Variants in GALK1 observed in about 807,000 individuals in gnomAD.
GALK1 encodes the protein galactokinase.
Under a neutral mutation model 38.6 loss-of-function variants are expected in GALK1, and 30 were observed. The observed-to-expected ratio is 0.78, with a 90% CI of 0.58 to 1.05. The LOEUF is 1.05. Among genes scored for constraint, GALK1 ranks in the 50% least tolerant of loss-of-function variants. The pLI is 0.00. For missense variants in GALK1, 512 were observed against 540.5 expected (o/e 0.95, Z 0.52); for synonymous variants, 240 against 233.6 (o/e 1.03, Z -0.25).
At chr17:75,763,869 G>A (rs1350620572) in intron 2 of GALK1, 28 bp downstream of exon 2, 1 of 1,605,600 alleles carries the variant, frequency 6.2e-7, no homozygotes, top group Non-Finnish European at 8.5e-7. Flanking sequence ...GTATCAGTGA[G>A]GACTTGGCTC....
At chr17:75,756,532 CCAGG>C, downstream of GALK1, 2 of 1,613,334 alleles carry the variant, frequency 1.2e-6, no homozygotes, top group Non-Finnish European at 1.7e-6. Flanking sequence ...GGGCCCAGAG[CCAGG>C]AAGGCTGGGG....
chr17:75,753,564 G>A (rs138475066), downstream of GALK1, among the ~76,000 whole-genome samples: 957 of 152,290 alleles, frequency 6.3e-3, 3 homozygotes, highest in Non-Finnish European at 9.9e-3. Flanking sequence ...CATCTGGAAA[G>A]GCTTCAGCCG....
downstream of GALK1, chr17:75,756,403 T>C: frequency 6.2e-7 from 1 of 1,612,238 alleles, no homozygotes; most frequent in African/African-American, 1.3e-5. Flanking sequence ...ACTGCACTAC[T>C]GTGTGCCCCC....
chr17:75,757,382 C>T (rs760727795), downstream of GALK1: 1 of 1,612,876 alleles, frequency 6.2e-7, no homozygotes, highest in African/African-American at 1.3e-5. Context: ...GGGCAGACCC[C>T]AAGCCAGGTC....
chr17:75,758,646 C>T (rs1330525344), intron 5 of GALK1, 47 bp from the exon 6 acceptor site: 4 of 1,553,106 alleles, frequency 2.6e-6, no homozygotes, highest in Admixed American at 1.9e-5. Flanking sequence ...CTGCCTGGGG[C>T]CCCGACGCCT....
chr17:75,759,725 G>A lies in GALK1; in HGVS notation c.794-1126C>T, dbSNP rs145390779. Among the ~76,000 whole-genome samples the A allele has an allele frequency of 2.6e-3, 399 of 152,258 alleles. 1 individual carries two copies. Among genetic ancestry groups the A allele is most frequent in the African/African-American group, 9.2e-3 (381 of 41,562 alleles). The stretch of plus-strand genomic sequence containing the variant: ...AAGGGCATCTGCACAGAGCAGGCAG[G>A]GCAGGTCTGAGCACTGCTCTGGAGA... On this transcript the variant is annotated intron_variant, in intron 5 of 7. Coordinates refer to ENST00000588479, the MANE Select transcript of GALK1 (RefSeq NM_000154.2).
At chr17:75,762,936 T>C in intron 4 of GALK1, 51 bp from the exon 5 acceptor site, 1 of 1,546,514 alleles carries the variant, frequency 6.5e-7, no homozygotes, top group Non-Finnish European at 8.7e-7. Context: ...GTGTGCTTGC[T>C]GCGCCAGGCA....
Position 75,762,930 on chromosome 17 carries a change from G to A in GALK1, c.612-45C>T, listed in dbSNP as rs369447720. ...GGGGAGATGACGAGGCCAAGCGTGT[G>A]CTTGCTGCGCCAGGCAGTGGGCACA... On this transcript the variant is annotated intron_variant, in intron 4 of 7. Coordinates refer to ENST00000588479, the MANE Select transcript of GALK1 (RefSeq NM_000154.2). The A allele has an allele frequency of 6.8e-4, 1,080 of 1,592,876 alleles. 1 individual carries two copies. Among genetic ancestry groups the A allele is most frequent in the Non-Finnish European group, 8.6e-4 (1,012 of 1,174,482 alleles).
At chr17:75,757,526 C>G, downstream of GALK1, 2 of 1,613,462 alleles carry the variant, frequency 1.2e-6, no homozygotes, top group Non-Finnish European at 1.7e-6. Context: ...CCTTAGCACC[C>G]ACATGGACCA....
At chr17:75,761,767 C>CGTG (rs1455124059) in intron 5 of GALK1, among the ~76,000 whole-genome samples, 2 of 150,882 alleles carry the variant, frequency 1.3e-5, no homozygotes, top group Non-Finnish European at 2.9e-5. Context: ...CCTGTAATCC[C>CGTG]AGCACTTTGG....
At chr17:75,757,405 C>T (rs765536898), downstream of GALK1, 11 of 1,613,096 alleles carry the variant, frequency 6.8e-6, no homozygotes, top group Non-Finnish European at 9.3e-6. Flanking sequence ...CTAATGCCTC[C>T]TCCTCCACAG....
chr17:75,757,921 C>T lies in GALK1; in HGVS notation c.*135G>A. On this transcript the variant is annotated 3_prime_UTR_variant, in exon 8 of 8. Transcript: ENST00000588479. ...CTCTGACACCCAAGCATACACCCAC[C>T]TCTAGAGGAGGCAGGTACCACATTG... 9.8e-7 allele frequency: 1 copy of T among 1,020,212 alleles called. No homozygotes were observed. Among genetic ancestry groups the T allele is most frequent in the East Asian group, 2.6e-5 (1 of 38,712 alleles). 63.2% of individuals were successfully genotyped at this position (1,020,212 alleles called of 1,614,324 possible).
chr17:75,763,974 G>A lies in GALK1; in HGVS notation c.278C>T (p.Pro93Leu). The A allele has an allele frequency of 6.2e-7, 1 of 1,612,984 alleles. No individual in the cohort carries two copies. The highest frequency in any genetic ancestry group is 8.5e-7 in the Non-Finnish European group (1 of 1,179,876). Residue 93 changes from proline (P) to leucine (L), a missense_variant, in exon 2 of 8, where the codon CCC (proline) becomes CTC (leucine). Transcript: ENST00000588479. ...AGGCTCCAGCGAGCGCTGGGCTGTG[G>A]GCAGTGGAAACTGCAGCCGCTGGGG... Reference protein sequence around the residue: ...DEPQRLQFPLPTAQRSLEPGT... With the variant: ...DEPQRLQFPLLTAQRSLEPGT...
In GALK1 at chr17:75,765,077, G is replaced by T; in HGVS notation, c.60C>A (p.Phe20Leu). 6.3e-7 allele frequency: 1 copy of T among 1,598,452 alleles called. No homozygotes were observed. The highest frequency in any genetic ancestry group is 8.5e-7 in the Non-Finnish European group (1 of 1,173,592). The change falls in exon 1 of 8, where the codon TTC becomes TTA. Residue 20 changes from phenylalanine to leucine, a missense_variant. By Grantham distance (22) the Phe-to-Leu change is conservative (BLOSUM62 0). Coordinates refer to ENST00000588479, the MANE Select transcript of GALK1 (RefSeq NM_000154.2). ...AELLAEARRA[F>L]REEFGAEPEL... ...CGGGCTCGGCCCCGAACTCCTCCCG[G>T]AAGGCTCGCCGGGCCTCGGCCAGCA...
downstream of GALK1, chr17:75,754,961 C>CACCT: frequency 1.3e-6 from 2 of 1,531,546 alleles, no homozygotes; most frequent in Non-Finnish European, 1.8e-6. Flanking sequence ...CACGTGCACA[C>CACCT]GCATGCACAC....
At chr17:75,763,735 A>G (rs1056371533) in intron 2 of GALK1, 162 bp downstream of exon 2, 6 of 830,524 alleles carry the variant, frequency 7.2e-6, no homozygotes, top group Non-Finnish European at 1.2e-5. Flanking sequence ...ACCCAGGGCA[A>G]GTTCCCGACC....
At chr17:75,752,266 T>C in intron 8 of GALK1, 1 of 1,613,504 alleles carries the variant, frequency 6.2e-7, no homozygotes, top group South Asian at 1.1e-5. Context: ...GCCCTACCGC[T>C]ACACGGTGAA....
At chr17:75,763,646 A>T (rs2061597774) in intron 2 of GALK1, 2 of 701,468 alleles carry the variant, frequency 2.9e-6, no homozygotes, top group Non-Finnish European at 4.9e-6. Flanking sequence ...GACACTTCTA[A>T]TTGTCCTCCT....
downstream of GALK1, chr17:75,756,652 A>G: frequency 6.2e-7 from 1 of 1,611,656 alleles, no homozygotes; most frequent in Non-Finnish European, 8.5e-7. Context: ...AGCTGCCCCC[A>G]TCATGCCCAC....
Sources: gnomAD v4.1 joint callset for allele counts (sites outside exome capture counted in the v4.1 genomes callset) on GRCh38, gnomAD v4.1.1 for gene constraint, MANE v1.5 for transcripts, NCBI Gene and HGNC (gene_info 2026-07-23, HGNC 2026-07-21) for gene names.